CAPN5: variants seen among roughly 807,000 people sequenced by gnomAD.
CAPN5 encodes calpain 5.
A neutral mutation model predicts 73.0 loss-of-function variants in CAPN5; 54 were observed. That is an observed-to-expected ratio of 0.74 (90% CI 0.59 to 0.93). The LOEUF (loss-of-function observed/expected upper bound fraction) is 0.93. Among genes scored for constraint, CAPN5 ranks in the 40% least tolerant of loss-of-function variants. CAPN5 has a pLI of 0.00. For synonymous variants in CAPN5, 335 were observed against 356.9 expected (o/e 0.94, Z 0.69); for missense variants, 785 against 882.9 (o/e 0.89, Z 1.41).
intron 1 of CAPN5, among the ~76,000 whole-genome samples, chr11:77,071,194 G>T (rs1949902605): frequency 6.6e-6 from 1 of 152,202 alleles, no homozygotes; most frequent in Admixed American, 6.5e-5. Context: ...CCCCCAGGAG[G>T]TCACTCACAA....
chr11:77,080,583 GC>G (rs1308956153), intron 1 of CAPN5, among the ~76,000 whole-genome samples: 1 of 152,190 alleles, frequency 6.6e-6, no homozygotes, highest in Non-Finnish European at 1.5e-5. Context: ...GGAAGATGAG[GC>G]CTTATTCCAT....
intron 1 of CAPN5, among the ~76,000 whole-genome samples, chr11:77,072,008 G>T (rs1205896834): frequency 6.6e-6 from 1 of 152,206 alleles, no homozygotes; most frequent in Non-Finnish European, 1.5e-5. Flanking sequence ...TCTCTCAGGG[G>T]CCTGCCTATA....
At chr11:77,084,818 C>CT (rs1850674096) in intron 1 of CAPN5, 34 bp from the exon 2 acceptor site, 2 of 1,591,730 alleles carry the variant, frequency 1.3e-6, no homozygotes, top group Middle Eastern at 1.7e-4. Flanking sequence ...CCCAGGGACT[C>CT]TGTGAGTGAC....
intron 3 of CAPN5, among the ~76,000 whole-genome samples, chr11:77,096,383 C>A (rs1555037470): frequency 6.6e-6 from 1 of 152,206 alleles, no homozygotes; most frequent in Admixed American, 6.5e-5. Flanking sequence ...TTTCCAGTGC[C>A]CAGGGTCGTG....
intron 1 of CAPN5, among the ~76,000 whole-genome samples, chr11:77,071,424 C>G (rs1229496219): frequency 6.6e-6 from 1 of 152,192 alleles, no homozygotes; most frequent in Admixed American, 6.5e-5. Flanking sequence ...TTCAGACATT[C>G]ACGCAATAAG....
chr11:77,119,343 GC>G, intron 9 of CAPN5, 191 bp downstream of exon 9: 2 of 637,686 alleles, frequency 3.1e-6, no homozygotes, highest in South Asian at 4.0e-5. Flanking sequence ...AGCCTGCCCA[GC>G]CTTGGCTTCT....
rs1326934998 is a variant in CAPN5, at chr11:77,125,819, G to C, written c.*1949G>C. On this transcript the variant is annotated 3_prime_UTR_variant, in exon 13 of 13. Coordinates refer to ENST00000648180, the MANE Select transcript of CAPN5 (RefSeq NM_004055.5). ...CCTGTGGGCTTCAGCCTCGGGGCCG[G>C]GGCATGCCTGCCACCCCCTGACAAA... 4 of 152,424 alleles carry C rather than the reference G, an allele frequency of 2.6e-5. No homozygotes were observed. The highest frequency in any genetic ancestry group is 9.7e-5 in the African/African-American group (4 of 41,402). 9.4% of individuals were successfully genotyped at this position (152,424 alleles called of 1,614,324 possible). A position where few individuals can be genotyped will look rare whatever the true frequency, so the allele number is the denominator to read the frequency against.
In CAPN5 at chr11:77,125,970, T is replaced by G. The variant is rs545250635; in HGVS notation, c.*2100T>G. ...CCAGGCAGGTAAGGATCAGGGGTGA[T>G]AGGGGAGAGCAATTACTTTGTTCAC... On this transcript the variant is annotated 3_prime_UTR_variant, in exon 13 of 13. Transcript: ENST00000648180. The G allele has an allele frequency of 6.6e-6, 1 of 152,306 alleles. No individual in the cohort carries two copies. Among genetic ancestry groups the G allele is most frequent in the East Asian group, 1.9e-4 (1 of 5,132 alleles). 9.4% of individuals were successfully genotyped at this position (152,306 alleles called of 1,614,324 possible). A position where few individuals can be genotyped will look rare whatever the true frequency, so the allele number is the denominator to read the frequency against.
rs549834191 is a variant in CAPN5 at position 77,106,350 on chromosome 11, G to A, written c.298-6239G>A. 9.3e-5 allele frequency among the ~76,000 whole-genome samples: 13 copies of A among 139,244 alleles called. No homozygotes were observed. The South Asian group carries it at 1.5e-3, about 16-fold the overall frequency. 91.3% of individuals were successfully genotyped at this position (139,244 alleles called of 152,430 possible). A position where few individuals can be genotyped will look rare whatever the true frequency, so the allele number is the denominator to read the frequency against. On this transcript the variant is annotated intron_variant, in intron 3 of 12. Transcript: ENST00000648180. ...CTTCCAGCCACTCCTGGAGTTGCCCGAGACAGAGGAATCCAGCCTCCCACC... is the reference window on the plus strand; with the variant it reads ...CTTCCAGCCACTCCTGGAGTTGCCCAAGACAGAGGAATCCAGCCTCCCACC...
intron 2 of CAPN5, 50 bp from the exon 3 acceptor site, chr11:77,093,632 C>T (rs900973721): frequency 3.0e-5 from 46 of 1,521,436 alleles, no homozygotes; most frequent in Non-Finnish European, 4.1e-5. Flanking sequence ...CCATGGGGGG[C>T]ATCCGCATGC....
chr11:77,119,208 G>A, intron 9 of CAPN5, 56 bp downstream of exon 9: 2 of 1,559,124 alleles, frequency 1.3e-6, no homozygotes, highest in South Asian at 2.4e-5. Flanking sequence ...GCTGGAGTTT[G>A]GACTGCCCAT....
Position 77,122,701 on chromosome 11 carries a change from A to C in CAPN5, c.1729A>C (p.Ile577Leu). ...IFYRKKLSQPITVQVWNHRVL... is the reference protein window; with the variant it reads ...IFYRKKLSQPLTVQVWNHRVL... The stretch of plus-strand genomic sequence containing the variant: ...CTACCGCAAGAAGCTGAGCCAGCCC[A>C]TCACTGTACAGGTGAGCCCCCTGGT... Residue 577 changes from isoleucine (I) to leucine (L), a missense_variant, in exon 12 of 13, where the codon ATC becomes CTC. Physicochemically the swap from Ile to Leu is conservative, Grantham distance 5. Coordinates refer to ENST00000648180, the MANE Select transcript of CAPN5 (RefSeq NM_004055.5). The C allele has an allele frequency of 5.6e-6, 9 of 1,613,586 alleles. No homozygotes were observed. The highest frequency in any genetic ancestry group is 7.6e-6 in the Non-Finnish European group (9 of 1,179,968).
At chr11:77,085,366 G>A (rs1555035314) in intron 2 of CAPN5, among the ~76,000 whole-genome samples, 1 of 152,210 alleles carries the variant, frequency 6.6e-6, no homozygotes, top group Non-Finnish European at 1.5e-5. Context: ...ATGGGGTGAT[G>A]TGGATATGAC....
At chr11:77,093,354 G>T (rs1450653378) in intron 2 of CAPN5, among the ~76,000 whole-genome samples, 3 of 152,256 alleles carry the variant, frequency 2.0e-5, no homozygotes, top group Non-Finnish European at 4.4e-5. Context: ...TTAGGGAGGG[G>T]CGCAGCGGGT....
chr11:77,110,928 G>A (rs1950404574), intron 3 of CAPN5, among the ~76,000 whole-genome samples: 1 of 151,872 alleles, frequency 6.6e-6, no homozygotes, highest in Admixed American at 6.6e-5. Context: ...CCCCATACCT[G>A]GAGTGGTTTT....
intron 7 of CAPN5, 42 bp from the exon 8 acceptor site, chr11:77,118,115 G>A (rs2135483514): frequency 6.4e-7 from 1 of 1,562,178 alleles, no homozygotes; most frequent in Non-Finnish European, 8.7e-7. Flanking sequence ...AGCCTGGGGA[G>A]GTGTGGGGGA....
chr11:77,108,356 C>G (rs1420378663), intron 3 of CAPN5, among the ~76,000 whole-genome samples: 1 of 152,176 alleles, frequency 6.6e-6, no homozygotes, highest in East Asian at 1.9e-4. Context: ...TGCCTCAAAG[C>G]TGCTGCTCAG....
chr11:77,085,008 A>G lies in CAPN5; in HGVS notation c.122A>G (p.Tyr41Cys). The change falls in exon 2 of 13, where the codon TAT becomes TGT. Residue 41 changes from tyrosine to cysteine, a missense_variant. By Grantham distance (194) the Tyr-to-Cys change is radical (BLOSUM62 -2). Transcript: ENST00000648180. ...LFPATDDSLY[Y>C]KGTPGPAVRW... Reference sequence around the variant, plus strand: ...CCCGCCACTGACGACTCACTCTACTATAAGGGCACGCCGGGGCCCGCCGTC... The same window carrying G: ...CCCGCCACTGACGACTCACTCTACTGTAAGGGCACGCCGGGGCCCGCCGTC... 1 of 1,613,672 alleles carries G rather than the reference A, an allele frequency of 6.2e-7. No homozygotes were observed. The highest frequency in any genetic ancestry group is 8.5e-7 in the Non-Finnish European group (1 of 1,179,960).
At position 77,124,097 on chromosome 11, in the gene CAPN5, C is replaced by T. The variant is rs1950550692; in HGVS notation, c.*227C>T. On this transcript the variant is annotated 3_prime_UTR_variant, in exon 13 of 13. Transcript: ENST00000648180. ...TTTCCTTGCTGAGATTTCAAATAGT[C>T]CTCCCCACCTCAACTGTCACCACTG... 5 of 567,546 alleles carry T rather than the reference C, an allele frequency of 8.8e-6. No individual in the cohort carries two copies. In the South Asian group the frequency reaches 1.1e-4, roughly 13 times the overall value. 35.2% of individuals were successfully genotyped at this position (567,546 alleles called of 1,614,324 possible).
Sources: allele counts gnomAD v4.1 joint callset (sites outside exome capture counted in the v4.1 genomes callset), GRCh38; gene constraint gnomAD v4.1.1; transcripts MANE v1.5; gene names NCBI Gene and HGNC (gene_info 2026-07-23, HGNC 2026-07-21).